The following LEPROTL1 variants were observed in gnomAD, a reference collection of about 807,000 sequenced individuals.
LEPROTL1 encodes the protein leptin receptor overlapping transcript-like 1.
Under a neutral mutation model 15.4 loss-of-function variants are expected in LEPROTL1, and 6 were observed. The ratio of observed to expected loss-of-function variants is 0.39; its 90% CI spans 0.21 to 0.77. The LOEUF (loss-of-function observed/expected upper bound fraction) is 0.77. Ranked by LOEUF, LEPROTL1 falls within the 30% of genes least tolerant of loss-of-function variation. The pLI, the probability that LEPROTL1 is intolerant of heterozygous loss-of-function variation, is 0.41. For missense variants in LEPROTL1, 128 were observed against 158.1 expected (o/e 0.81, Z 1.02); for synonymous variants, 56 against 52.6 (o/e 1.06, Z -0.28).
At chr8:30,096,774 A>G (rs1037131321) in intron 1 of LEPROTL1, among the ~76,000 whole-genome samples, 1 of 152,202 alleles carries the variant, frequency 6.6e-6, no homozygotes, top group Admixed American at 6.5e-5. Flanking sequence ...GAAATACTGC[A>G]TTAAACTGAT....
chr8:30,095,596 C>A (rs1419169674), intron 1 of LEPROTL1, 68 bp downstream of exon 1: 19 of 1,248,496 alleles, frequency 1.5e-5, no homozygotes, highest in Non-Finnish European at 1.8e-5. Context: ...GGGTCCCACG[C>A]GGCCCCCGCA....
At chr8:30,135,768 G>T (rs556547810) in intron 4 of LEPROTL1, among the ~76,000 whole-genome samples, 1 of 151,990 alleles carries the variant, frequency 6.6e-6, no homozygotes, top group Non-Finnish European at 1.5e-5. Flanking sequence ...ATGAAAATTA[G>T]CCCGATGTGG....
intron 3 of LEPROTL1, 82 bp from the exon 4 acceptor site, chr8:30,105,664 G>T: frequency 2.6e-6 from 3 of 1,147,336 alleles, no homozygotes; most frequent in Non-Finnish European, 2.5e-6. Flanking sequence ...TCATAATTGG[G>T]ATACAACTAG....
intron 3 of LEPROTL1, among the ~76,000 whole-genome samples, chr8:30,129,306 T>C (rs1352519751): frequency 2.0e-5 from 3 of 152,230 alleles, no homozygotes. Context: ...TAATCAGTGA[T>C]ATTGACCTAT....
intron 3 of LEPROTL1, among the ~76,000 whole-genome samples, chr8:30,126,372 G>A (rs1471688138): frequency 1.3e-5 from 2 of 152,084 alleles, no homozygotes; most frequent in Admixed American, 6.5e-5. Flanking sequence ...CCTTCCATTA[G>A]GCCCCATCTC....
At chr8:30,122,153 C>T (rs1445885170) in intron 3 of LEPROTL1, among the ~76,000 whole-genome samples, 5 of 149,430 alleles carry the variant, frequency 3.3e-5, no homozygotes, top group Admixed American at 6.7e-5. Flanking sequence ...GGCAACAGAG[C>T]GAGACTCCCT....
At chr8:30,117,512 T>A in intron 3 of LEPROTL1, 1 of 1,378,034 alleles carries the variant, frequency 7.3e-7, no homozygotes, top group Non-Finnish European at 1.0e-6. Context: ...TTTTCTGCCA[T>A]TTTTCCAGAT....
chr8:30,095,459 G>A lies in LEPROTL1; in HGVS notation c.-54G>A. 2 of 1,463,170 alleles carry A rather than the reference G, an allele frequency of 1.4e-6. No homozygotes were observed. Among genetic ancestry groups the A allele is most frequent in the Admixed American group, 2.5e-5 (1 of 40,336 alleles). The allele number at this position is 1,463,170 out of a possible 1,614,324, so 90.6% of individuals were successfully genotyped here. On this transcript the variant is annotated 5_prime_UTR_variant, in exon 1 of 4. Transcript: ENST00000321250. ...GTAGCGCGTCTTGGGTCTCCCGGCT[G>A]CCGCTGCTGCCGCCGCCGCCTCGGG...
At chr8:30,126,864 C>T (rs1339211677) in intron 3 of LEPROTL1, among the ~76,000 whole-genome samples, 1 of 152,028 alleles carries the variant, frequency 6.6e-6, no homozygotes, top group African/African-American at 2.4e-5. Flanking sequence ...ATGGCAAATC[C>T]CCATCTGTAC....
chr8:30,131,821 C>G (rs139049519), intron 3 of LEPROTL1: 21 of 1,176,604 alleles, frequency 1.8e-5, no homozygotes, highest in Non-Finnish European at 2.4e-5. Context: ...CTGGGTATAT[C>G]CATCCAAAAC....
rs962337255 is a variant in LEPROTL1, at chr8:30,106,301, T to C, written c.*439T>C. ...TAGCCTCCATTATTACAAAAAATTA[T>C]AAAAATAAGTTTTCAGTCAGTCAGG... On this transcript the variant is annotated 3_prime_UTR_variant, in exon 4 of 4. Coordinates refer to ENST00000321250, the MANE Select transcript of LEPROTL1 (RefSeq NM_015344.3). The C allele has an allele frequency of 3.0e-6, 3 of 986,158 alleles. No individual in the cohort carries two copies. In the African/African-American group the frequency reaches 5.2e-5, roughly 17 times the overall value. 61.1% of individuals were successfully genotyped at this position (986,158 alleles called of 1,614,324 possible). A position where few individuals can be genotyped will look rare whatever the true frequency, so the allele number is the denominator to read the frequency against.
intron 2 of LEPROTL1, 109 bp from the exon 3 acceptor site, chr8:30,104,188 TATC>T (rs746509393): frequency 7.1e-6 from 4 of 560,450 alleles, no homozygotes; most frequent in Non-Finnish European, 1.2e-5. Context: ...TAAGGTTGGG[TATC>T]ATCCATTAGA....
intron 3 of LEPROTL1, among the ~76,000 whole-genome samples, chr8:30,126,165 G>T (rs753744647): frequency 7.2e-5 from 11 of 152,268 alleles, no homozygotes; most frequent in Non-Finnish European, 1.6e-4. Flanking sequence ...CTCCTGTTGT[G>T]TGGCTCAGTT....
intron 3 of LEPROTL1, among the ~76,000 whole-genome samples, chr8:30,115,715 TAAAG>T (rs767408794): frequency 6.6e-5 from 10 of 151,728 alleles, no homozygotes; most frequent in African/African-American, 2.4e-4. Context: ...AAGTGGCAAA[TAAAG>T]AATGTGGGAA....
downstream of LEPROTL1, among the ~76,000 whole-genome samples, chr8:30,112,479 C>T (rs576827447): frequency 5.4e-5 from 7 of 129,840 alleles, no homozygotes; most frequent in South Asian, 1.8e-3. Context: ...AGGCTGGTCT[C>T]AAACTCCTGA....
chr8:30,135,502 T>C (rs762217582), intron 4 of LEPROTL1, among the ~76,000 whole-genome samples: 2 of 152,156 alleles, frequency 1.3e-5, no homozygotes, highest in Non-Finnish European at 1.5e-5. Context: ...GAGGAATGGA[T>C]CACAATGTGT....
At chr8:30,130,326 C>A (rs1236991913) in intron 3 of LEPROTL1, among the ~76,000 whole-genome samples, 1 of 152,004 alleles carries the variant, frequency 6.6e-6, no homozygotes, top group Non-Finnish European at 1.5e-5. Flanking sequence ...CACACCAAAC[C>A]CAATTTTCAT....
intron 3 of LEPROTL1, among the ~76,000 whole-genome samples, chr8:30,119,560 G>A (rs1802795553): frequency 6.6e-6 from 1 of 152,086 alleles, no homozygotes; most frequent in African/African-American, 2.4e-5. Context: ...ATTTTAGAGG[G>A]ATGCCAGTCA....
chr8:30,126,003 C>T (rs1298315621), intron 3 of LEPROTL1, among the ~76,000 whole-genome samples: 26 of 152,178 alleles, frequency 1.7e-4, no homozygotes, highest in Admixed American at 1.7e-3. Flanking sequence ...GTTTCCTGAA[C>T]CATCTCCTAT....
Sources: gnomAD v4.1 joint callset for allele counts (sites outside exome capture counted in the v4.1 genomes callset) on GRCh38, gnomAD v4.1.1 for gene constraint, MANE v1.5 for transcripts, NCBI Gene and HGNC (gene_info 2026-07-23, HGNC 2026-07-21) for gene names.